SFI1: variants seen among roughly 807,000 people sequenced by gnomAD.
SFI1 encodes protein SFI1 homolog.
SFI1 carries 195 observed loss-of-function variants against 207.5 expected under a neutral mutation model. The observed-to-expected ratio is 0.94, with a 90% CI of 0.84 to 1.06. SFI1 has a LOEUF of 1.06. Among genes scored for constraint, SFI1 ranks in the 50% least tolerant of loss-of-function variants. SFI1 has a pLI of 0.00. For synonymous variants in SFI1, 630 were observed against 598.9 expected (o/e 1.05, Z -0.76); for missense variants, 1,634 against 1,588.0 (o/e 1.03, Z -0.49).
chr22:31,496,789 A>G (rs925772311), intron 1 of SFI1, among the ~76,000 whole-genome samples, 152 bp downstream of exon 1: 10 of 151,968 alleles, frequency 6.6e-5, no homozygotes, highest in Non-Finnish European at 1.5e-4. Context: ...GATGTTGTCT[A>G]CCTGCGGGTC....
intron 13 of SFI1, 141 bp downstream of exon 13, chr22:31,584,113 C>T (rs1343410691): frequency 6.1e-5 from 43 of 700,370 alleles, no homozygotes; most frequent in Non-Finnish European, 5.0e-6. Context: ...CTGCTGTAAA[C>T]CATTTGTTCC....
At chr22:31,498,769 A>G (rs2053195588) in intron 1 of SFI1, among the ~76,000 whole-genome samples, 2 of 152,148 alleles carry the variant, frequency 1.3e-5, no homozygotes, top group Non-Finnish European at 2.9e-5. Flanking sequence ...AAAATCAAGC[A>G]AACTGGAATT....
chr22:31,535,740 TTA>T (rs1226137409), intron 4 of SFI1, among the ~76,000 whole-genome samples: 4 of 152,104 alleles, frequency 2.6e-5, no homozygotes, highest in African/African-American at 9.7e-5. Context: ...GTTTTTAAAT[TTA>T]TATGTCTTTA....
chr22:31,527,734 G>A (rs1296090569), intron 2 of SFI1, among the ~76,000 whole-genome samples: 1 of 152,144 alleles, frequency 6.6e-6, no homozygotes, highest in Non-Finnish European at 1.5e-5. Context: ...CACCCCTTTG[G>A]GGGGTTGAGG....
chr22:31,616,870 A>C lies in SFI1; in HGVS notation c.3426A>C (p.Ser1142=), dbSNP rs1246018978. ...CCACCAGGGCTGGGCCTGGACTTTCAACTGCAGGTGTGTACCTGGGGCCTG... is the reference window on the plus strand; with the variant it reads ...CCACCAGGGCTGGGCCTGGACTTTCCACTGCAGGTGTGTACCTGGGGCCTG... ...FSATRAGPGL[S]TAGSLDLEAE... is the part of the protein sequence containing the mutation. The change falls in exon 30 of 33, where the codon TCA becomes TCC. Residue 1142 remains serine, a synonymous_variant. Transcript: ENST00000400288. The C allele has an allele frequency of 1.2e-6, 2 of 1,610,576 alleles. No homozygotes were observed. Among genetic ancestry groups the C allele is most frequent in the African/African-American group, 2.7e-5 (2 of 74,918 alleles).
intron 9 of SFI1, 131 bp downstream of exon 9, chr22:31,573,345 G>A: frequency 1.2e-6 from 1 of 811,358 alleles, no homozygotes; most frequent in Non-Finnish European, 1.8e-6. Flanking sequence ...GGAGATTAAG[G>A]AGGAAAATAC....
intron 4 of SFI1, among the ~76,000 whole-genome samples, chr22:31,539,191 C>A (rs2059256134): frequency 6.6e-6 from 1 of 152,202 alleles, no homozygotes; most frequent in African/African-American, 2.4e-5. Flanking sequence ...CAGTCCAAGC[C>A]ATCAGCATCT....
Position 31,530,203 on chromosome 22 carries a change from A to AAAAAAAAAAAAAAAAAAAAAT in SFI1, c.267-855_267-854insAAAAAAAAAAAAAAAAAAAAT, listed in dbSNP as rs1569227870. Among the ~76,000 whole-genome samples the AAAAAAAAAAAAAAAAAAAAAT allele has an allele frequency of 1.6e-5, 2 of 127,740 alleles. 1 individual carries two copies. The highest frequency in any genetic ancestry group is 6.1e-5 in the African/African-American group (2 of 32,932). 83.8% of individuals were successfully genotyped at this position (127,740 alleles called of 152,430 possible). ...AAAAAAAAAAAAAAAAAAAAAAAAAAGACAAGGCCGGGCGCGGTGGCTCAC... is the reference window on the plus strand; with the variant it reads ...AAAAAAAAAAAAAAAAAAAAAAAAAAAAAAAAAAAAAAAAAAAAAATGACAAGGCCGGGCGCGGTGGCTCAC... On this transcript the variant is annotated intron_variant, in intron 3 of 32. Coordinates refer to ENST00000400288, the MANE Select transcript of SFI1 (RefSeq NM_001007467.3).
At chr22:31,545,232 G>A (rs2059955951) in intron 4 of SFI1, among the ~76,000 whole-genome samples, 1 of 152,148 alleles carries the variant, frequency 6.6e-6, no homozygotes, top group African/African-American at 2.4e-5. Context: ...TGGGCGTGAT[G>A]GCACATGCCT....
At chr22:31,611,391 T>C in intron 23 of SFI1, 88 bp downstream of exon 23, 1 of 1,431,612 alleles carries the variant, frequency 7.0e-7, no homozygotes, top group Non-Finnish European at 9.3e-7. Context: ...AAGGGGTCTT[T>C]CCTGACAGCA....
intron 18 of SFI1, 88 bp downstream of exon 18, chr22:31,603,907 C>A (rs1021371100): frequency 3.0e-5 from 36 of 1,182,848 alleles, no homozygotes; most frequent in Non-Finnish European, 5.9e-6. Flanking sequence ...ACATATGGGC[C>A]ACACCACCTA....
intron 7 of SFI1, chr22:31,559,804 T>G (rs1024555352): frequency 5.3e-5 from 38 of 715,118 alleles, no homozygotes; most frequent in Non-Finnish European, 5.9e-5. Context: ...AGAAGCTCCG[T>G]GCAGATGTGG....
intron 16 of SFI1, 68 bp downstream of exon 16, chr22:31,602,361 C>T (rs1293046985): frequency 5.3e-5 from 78 of 1,475,812 alleles, no homozygotes; most frequent in Non-Finnish European, 6.8e-5. Flanking sequence ...CACTCACGGC[C>T]TCCCCTCCTC....
At chr22:31,590,951 TTTTATTTATTTA>T (rs200262154) in intron 15 of SFI1, among the ~76,000 whole-genome samples, 105,523 of 144,266 alleles carry the variant, frequency 0.73, 38,120 homozygotes, top group Non-Finnish European at 0.78. Flanking sequence ...ACTTTTTTCT[TTTTATTTATTTA>T]TTTATTTATT....
At chr22:31,528,980 T>A in intron 3 of SFI1, 117 bp downstream of exon 3, 1 of 993,232 alleles carries the variant, frequency 1.0e-6, no homozygotes, top group Admixed American at 2.5e-5. Context: ...TCTTGATGCC[T>A]GTTCTTGGTA....
intron 22 of SFI1, among the ~76,000 whole-genome samples, chr22:31,610,513 C>G (rs150984344): frequency 3.8e-3 from 580 of 152,360 alleles, no homozygotes; most frequent in Admixed American, 6.0e-3. Context: ...GCCCTGCTCT[C>G]AACCCTGTTC....
chr22:31,566,642 A>G (rs905929987), intron 8 of SFI1, among the ~76,000 whole-genome samples: 1 of 152,196 alleles, frequency 6.6e-6, no homozygotes, highest in Non-Finnish European at 1.5e-5. Flanking sequence ...GTAGATTGTA[A>G]TAGTACCTAC....
chr22:31,612,133 C>G lies in SFI1; in HGVS notation c.2490+293C>G, dbSNP rs1166161471. Reference sequence around the variant, plus strand: ...GTGGCTCACGCCTGTAATCCCAGCACTTTGGGAGGCCGAGGCAGGCGGATC... The same window carrying G: ...GTGGCTCACGCCTGTAATCCCAGCAGTTTGGGAGGCCGAGGCAGGCGGATC... On this transcript the variant is annotated intron_variant, in intron 24 of 32. Transcript: ENST00000400288. The G allele has an allele frequency of 1.5e-5, 15 of 994,316 alleles. No homozygotes were observed. In the South Asian group the frequency reaches 4.8e-4, roughly 32 times the overall value. The allele number at this position is 994,316 out of a possible 1,614,324, so 61.6% of individuals were successfully genotyped here. A position where few individuals can be genotyped will look rare whatever the true frequency, so the allele number is the denominator to read the frequency against.
chr22:31,499,861 G>A (rs5994402), intron 1 of SFI1, among the ~76,000 whole-genome samples: 2 of 151,224 alleles, frequency 1.3e-5, no homozygotes, highest in South Asian at 2.1e-4. Context: ...GGTGGTATGC[G>A]CCTGTAGTCC....
Sources: allele counts gnomAD v4.1 joint callset (sites outside exome capture counted in the v4.1 genomes callset), GRCh38; gene constraint gnomAD v4.1.1; transcripts MANE v1.5; gene names NCBI Gene and HGNC (gene_info 2026-07-23, HGNC 2026-07-21).